The following UBE3A variants were observed in gnomAD, a reference collection of about 807,000 sequenced individuals.
The protein encoded by UBE3A is ubiquitin-protein ligase E3A.
UBE3A carries 6 observed loss-of-function variants against 83.4 expected under a neutral mutation model. The observed-to-expected ratio is 0.07, with a 90% confidence interval of 0.04 to 0.14. UBE3A has a LOEUF of 0.14. Among genes scored for constraint, UBE3A ranks in the 10% least tolerant of loss-of-function variants. The probability of loss-of-function intolerance (pLI) is 1.00; values close to 1 mark genes in which losing one functional copy is unlikely to be tolerated. For synonymous variants in UBE3A, 337 were observed against 355.4 expected, an observed-to-expected ratio of 0.95 and a Z score of 0.58; for missense variants, 456 against 1,036.1, an observed-to-expected ratio of 0.44 and a Z score of 7.69.
chr15:25,412,419 A>C (rs567394813), intron 1 of UBE3A, among the ~76,000 whole-genome samples: 4 of 152,324 alleles, frequency 2.6e-5, no homozygotes, highest in Admixed American at 6.5e-5. Context: ...CGACCCTCTG[A>C]CCCTTGAGTC....
chr15:25,354,981 G>A (rs924571727), intron 9 of UBE3A, among the ~76,000 whole-genome samples: 2 of 152,042 alleles, frequency 1.3e-5, no homozygotes, highest in African/African-American at 4.8e-5. Context: ...CCAATATTAA[G>A]CTATGAAAAG....
At chr15:25,408,736 A>G in intron 3 of UBE3A, 1 of 1,453,476 alleles carries the variant, frequency 6.9e-7, no homozygotes, top group Non-Finnish European at 9.3e-7. Flanking sequence ...ACTTCTAGAG[A>G]AATGTTTAGT....
intron 1 of UBE3A, among the ~76,000 whole-genome samples, chr15:25,437,740 T>G (rs1895534635): frequency 6.6e-6 from 1 of 152,176 alleles, no homozygotes; most frequent in African/African-American, 2.4e-5. Flanking sequence ...TTAAAATTAT[T>G]TCTAAAATTT....
At chr15:25,397,835 A>C (rs984820112) in intron 4 of UBE3A, among the ~76,000 whole-genome samples, 3 of 152,244 alleles carry the variant, frequency 2.0e-5, no homozygotes, top group East Asian at 3.9e-4. Context: ...ATGTCCCTGT[A>C]CATGGTTCTA....
intron 1 of UBE3A, among the ~76,000 whole-genome samples, chr15:25,412,283 ATATCCCTC>A (rs2090141324): frequency 6.6e-6 from 1 of 152,196 alleles, no homozygotes; most frequent in Non-Finnish European, 1.5e-5. Flanking sequence ...CTATTTGACT[ATATCCCTC>A]TAATCCTTTC....
At chr15:25,384,545 G>A (rs1012274639) in intron 4 of UBE3A, among the ~76,000 whole-genome samples, 3 of 151,486 alleles carry the variant, frequency 2.0e-5, no homozygotes, top group East Asian at 1.9e-4. Context: ...AGACATCCAA[G>A]TTTATGAATT....
At chr15:25,424,346 A>C (rs998865298) in intron 1 of UBE3A, among the ~76,000 whole-genome samples, 6 of 152,036 alleles carry the variant, frequency 3.9e-5, no homozygotes, top group Non-Finnish European at 8.8e-5. Context: ...TCAGTTCTTC[A>C]CCCAAGTTAC....
At chr15:25,395,638 C>T (rs8039641) in intron 4 of UBE3A, among the ~76,000 whole-genome samples, 2 of 152,048 alleles carry the variant, frequency 1.3e-5, no homozygotes, top group African/African-American at 4.8e-5. Context: ...AGGAGCTCCA[C>T]TTAGGACAGG....
chr15:25,350,344 C>T (rs1204272039), intron 11 of UBE3A, among the ~76,000 whole-genome samples: 1 of 151,344 alleles, frequency 6.6e-6, no homozygotes, highest in East Asian at 1.9e-4. Flanking sequence ...TCTCCCTGCC[C>T]TGCACCCGCC....
chr15:25,430,026 C>A (rs1460701187), intron 1 of UBE3A, among the ~76,000 whole-genome samples: 17 of 6,528 alleles, frequency 2.6e-3, no homozygotes, highest in Non-Finnish European at 3.5e-3. Context: ...CAAAAAAAAA[C>A]CTATATATAT....
chr15:25,367,768 C>T (rs2079565020), intron 6 of UBE3A, among the ~76,000 whole-genome samples: 1 of 151,890 alleles, frequency 6.6e-6, no homozygotes, highest in South Asian at 2.1e-4. Flanking sequence ...TCTCTAAAAA[C>T]CTCAGGAAAA....
chr15:25,363,103 C>G (rs2078395554), intron 6 of UBE3A, among the ~76,000 whole-genome samples: 1 of 152,162 alleles, frequency 6.6e-6, no homozygotes, highest in African/African-American at 2.4e-5. Context: ...GCAAATTTAT[C>G]TTTATTCTCC....
chr15:25,351,074 C>T (rs2076423311), intron 11 of UBE3A, among the ~76,000 whole-genome samples: 1 of 152,162 alleles, frequency 6.6e-6, no homozygotes. Context: ...ACATCGACAC[C>T]ACCATTATTA....
At chr15:25,405,914 C>T (rs2088414034) in intron 3 of UBE3A, among the ~76,000 whole-genome samples, 1 of 152,144 alleles carries the variant, frequency 6.6e-6, no homozygotes, top group Admixed American at 6.5e-5. Context: ...AGATTAGTGG[C>T]TCAGTAAACT....
At chr15:25,433,620 A>C (rs1159926046) in intron 1 of UBE3A, among the ~76,000 whole-genome samples, 1 of 152,340 alleles carries the variant, frequency 6.6e-6, no homozygotes, top group Middle Eastern at 3.4e-3. Flanking sequence ...CCTGCTCATG[A>C]CCATTACGAA....
At position 25,357,654 on chromosome 15, in the gene UBE3A, A is replaced by G. The variant is rs2077411105; in HGVS notation, c.1754-758T>C. Reference sequence around the variant, plus strand: ...AGCCACCACACCTGGCCTAAAAAACAATTTTTAATCACAGTAAAGAAAGGT... The same window carrying G: ...AGCCACCACACCTGGCCTAAAAAACGATTTTTAATCACAGTAAAGAAAGGT... On this transcript the variant is annotated intron_variant, in intron 7 of 12. Coordinates refer to ENST00000648336, the MANE Select transcript of UBE3A (RefSeq NM_130839.5). 3 of 152,238 alleles carry G rather than the reference A, an allele frequency of 2.0e-5. 1 individual carries two copies. The South Asian group carries it at 6.2e-4, about 32-fold the overall frequency. 9.4% of individuals were successfully genotyped at this position (152,238 alleles called of 1,614,324 possible).
At chr15:25,356,471 A>C (rs1156744535) in intron 8 of UBE3A, among the ~76,000 whole-genome samples, 1 of 152,246 alleles carries the variant, frequency 6.6e-6, no homozygotes, top group Non-Finnish European at 1.5e-5. Context: ...CTATGAAATC[A>C]ATCTTACAAA....
intron 11 of UBE3A, chr15:25,354,076 G>A (rs2076897693): frequency 2.0e-6 from 1 of 498,432 alleles, no homozygotes; most frequent in Non-Finnish European, 3.6e-6. Flanking sequence ...CTAACCAGCA[G>A]TAAGCATACT....
At chr15:25,434,182 GTTA>G (rs2153188762) in intron 1 of UBE3A, among the ~76,000 whole-genome samples, 1 of 152,262 alleles carries the variant, frequency 6.6e-6, no homozygotes, top group Non-Finnish European at 1.5e-5. Flanking sequence ...GCATTTACCT[GTTA>G]TTGATAACTC....
Sources: allele counts gnomAD v4.1 joint callset (sites outside exome capture counted in the v4.1 genomes callset), GRCh38; gene constraint gnomAD v4.1.1; transcripts MANE v1.5; gene names NCBI Gene and HGNC (gene_info 2026-07-23, HGNC 2026-07-21).